RPS6KC1: variants seen among roughly 807,000 people sequenced by gnomAD.
RPS6KC1 encodes ribosomal protein S6 kinase C1.
A neutral mutation model predicts 103.8 loss-of-function variants in RPS6KC1; 54 were observed. The ratio of observed to expected loss-of-function variants is 0.52; its 90% CI spans 0.42 to 0.65. The LOEUF (loss-of-function observed/expected upper bound fraction) is 0.65. Among genes scored for constraint, RPS6KC1 ranks in the 30% least tolerant of loss-of-function variants. The probability of loss-of-function intolerance (pLI) is 0.00; values close to 1 mark genes in which losing one functional copy is unlikely to be tolerated. For synonymous variants in RPS6KC1, 439 were observed against 438.7 expected, an observed-to-expected ratio of 1.00 and a Z score of -0.01; for missense variants, 1,151 against 1,253.8, an observed-to-expected ratio of 0.92 and a Z score of 1.24.
the RPS6KC1 span, among the ~76,000 whole-genome samples, chr1:213,781,853 T>C: frequency 3.3e-5 from 5 of 152,088 alleles, no homozygotes; most frequent in African/African-American, 1.2e-4. Flanking sequence ...GGTGGTTCGT[T>C]GTGGCTCAGT....
intron 5 of RPS6KC1, 148 bp from the exon 6 acceptor site, chr1:213,129,379 A>G (rs1572711475): frequency 2.4e-6 from 2 of 845,664 alleles, no homozygotes; most frequent in South Asian, 3.7e-5. Flanking sequence ...CTAAGCCTAA[A>G]CAAATTGCTA....
At chr1:213,572,366 G>T in the RPS6KC1 span, among the ~76,000 whole-genome samples, 1 of 152,224 alleles carries the variant, frequency 6.6e-6, no homozygotes, top group African/African-American at 2.4e-5. Context: ...CCTTCCACAG[G>T]ATAGACACAC....
At chr1:213,460,652 C>A in the RPS6KC1 span, among the ~76,000 whole-genome samples, 2 of 152,086 alleles carry the variant, frequency 1.3e-5, no homozygotes, top group Non-Finnish European at 2.9e-5. Context: ...GGTTATTTTG[C>A]CCATTAGTTG....
At chr1:213,854,833 C>T in the RPS6KC1 span, among the ~76,000 whole-genome samples, 1 of 152,328 alleles carries the variant, frequency 6.6e-6, no homozygotes, top group Non-Finnish European at 1.5e-5. Context: ...CCAGCCCATG[C>T]CCCGCCTTAT....
At chr1:213,799,653 A>T in the RPS6KC1 span, among the ~76,000 whole-genome samples, 1 of 152,316 alleles carries the variant, frequency 6.6e-6, no homozygotes, top group East Asian at 1.9e-4. Context: ...AGCTGTGCTC[A>T]TTTGTCATGA....
chr1:213,103,754 A>G (rs1160222425), intron 3 of RPS6KC1, among the ~76,000 whole-genome samples: 2 of 152,208 alleles, frequency 1.3e-5, no homozygotes, highest in Non-Finnish European at 2.9e-5. Flanking sequence ...CATATGATAA[A>G]TGTCAACTGG....
chr1:213,167,472 ACACACACACACACACAC>A (rs1558462356), intron 6 of RPS6KC1, among the ~76,000 whole-genome samples: 23 of 145,302 alleles, frequency 1.6e-4, no homozygotes, highest in South Asian at 7.0e-4. Context: ...ACACACACAC[ACACACACACACACACAC>A]AACAGCTGTT....
At chr1:213,159,833 A>C (rs2090291446) in intron 6 of RPS6KC1, among the ~76,000 whole-genome samples, 1 of 152,192 alleles carries the variant, frequency 6.6e-6, no homozygotes, top group Non-Finnish European at 1.5e-5. Context: ...AAAACATTTG[A>C]GAGGGCTGAT....
intron 2 of RPS6KC1, among the ~76,000 whole-genome samples, chr1:213,077,454 G>A (rs905988896): frequency 3.3e-5 from 5 of 152,118 alleles, no homozygotes; most frequent in East Asian, 3.9e-4. Flanking sequence ...AAGAATTGCC[G>A]CTTTATATGT....
At chr1:213,594,325 T>C in the RPS6KC1 span, among the ~76,000 whole-genome samples, 1 of 152,208 alleles carries the variant, frequency 6.6e-6, no homozygotes, top group African/African-American at 2.4e-5. Flanking sequence ...CAAAAAGGGG[T>C]AAAATATGCC....
the RPS6KC1 span, among the ~76,000 whole-genome samples, chr1:213,656,781 T>C: frequency 2.0e-5 from 3 of 152,238 alleles, no homozygotes; most frequent in African/African-American, 7.2e-5. Context: ...GTTTGCTGCC[T>C]GGATGGTATT....
At chr1:213,781,457 C>T in the RPS6KC1 span, among the ~76,000 whole-genome samples, 1 of 152,074 alleles carries the variant, frequency 6.6e-6, no homozygotes, top group African/African-American at 2.4e-5. Context: ...AGGAAGACTC[C>T]TTTAAGACAA....
chr1:213,359,655 T>A, the RPS6KC1 span, among the ~76,000 whole-genome samples: 1 of 50,094 alleles, frequency 2.0e-5, no homozygotes. Context: ...CTAGCATCGA[T>A]GGTCTTTACA....
intron 6 of RPS6KC1, among the ~76,000 whole-genome samples, chr1:213,152,907 G>A (rs2089380400): frequency 6.6e-6 from 1 of 152,244 alleles, no homozygotes; most frequent in South Asian, 2.1e-4. Flanking sequence ...GGTGGAGGTT[G>A]TAGCGAGCCG....
At chr1:213,328,503 ACTAT>A in the RPS6KC1 span, among the ~76,000 whole-genome samples, 6 of 31,772 alleles carry the variant, frequency 1.9e-4, no homozygotes, top group African/African-American at 3.9e-4. Flanking sequence ...CAGCCATTAT[ACTAT>A]ATATATATAT....
intron 6 of RPS6KC1, among the ~76,000 whole-genome samples, chr1:213,141,023 A>G (rs1410508654): frequency 6.6e-6 from 1 of 151,648 alleles, no homozygotes; most frequent in Non-Finnish European, 1.5e-5. Context: ...CAACCTCCCA[A>G]GTAGCTGGGA....
At chr1:213,566,455 T>TGGATC in the RPS6KC1 span, among the ~76,000 whole-genome samples, 1 of 28,760 alleles carries the variant, frequency 3.5e-5, no homozygotes, top group Non-Finnish European at 6.5e-5. Context: ...TTTTTTTTTT[T>TGGATC]TTTTTTTTTT....
chr1:213,760,897 G>A, the RPS6KC1 span, among the ~76,000 whole-genome samples: 2 of 150,362 alleles, frequency 1.3e-5, no homozygotes, highest in African/African-American at 4.9e-5. Context: ...TGTTCACCTG[G>A]GCTAAAGGAA....
intron 5 of RPS6KC1, among the ~76,000 whole-genome samples, chr1:213,119,089 G>T (rs1180593617): frequency 6.6e-6 from 1 of 151,894 alleles, no homozygotes; most frequent in Non-Finnish European, 1.5e-5. Context: ...TGAGAAAGAG[G>T]AGTGCACATT....
Sources: gnomAD v4.1 joint callset for allele counts (sites outside exome capture counted in the v4.1 genomes callset) on GRCh38, gnomAD v4.1.1 for gene constraint, MANE v1.5 for transcripts, NCBI Gene and HGNC (gene_info 2026-07-23, HGNC 2026-07-21) for gene names.